Variants in MEP1B observed in about 807,000 individuals in gnomAD.
MEP1B encodes the protein N-benzoyl-L-tyrosyl-P-amino-benzoic acid hydrolase subunit beta.
A neutral mutation model predicts 84.6 loss-of-function variants in MEP1B; 80 were observed. The ratio of observed to expected loss-of-function variants is 0.95; its 90% CI spans 0.79 to 1.14. MEP1B has a LOEUF of 1.14. Ranked by LOEUF, MEP1B falls within the 50% of genes most tolerant of loss-of-function variation. MEP1B has a pLI of 0.00. For synonymous variants in MEP1B, 273 were observed against 288.1 expected (o/e 0.95, Z 0.53); for missense variants, 766 against 855.1 (o/e 0.90, Z 1.30).
At chr18:32,215,299 T>C (rs773500416) in intron 12 of MEP1B, 38 bp downstream of exon 12, 1 of 1,359,190 alleles carries the variant, frequency 7.4e-7, no homozygotes, top group Non-Finnish European at 9.9e-7. Context: ...AACTAGTTTT[T>C]TTTTGTTGTG....
Position 32,203,027 on chromosome 18 carries a change from G to C in MEP1B, c.368+17G>C. 1.4e-6 allele frequency: 2 copies of C among 1,428,250 alleles called. No homozygotes were observed. Among genetic ancestry groups the C allele is most frequent in the South Asian group, 1.2e-5 (1 of 84,226 alleles). The allele number at this position is 1,428,250 out of a possible 1,614,324, so 88.5% of individuals were successfully genotyped here. On this transcript the variant is annotated intron_variant, in intron 6 of 14. Transcript: ENST00000269202. ...GGGCAGTGGGTAAGTTGCAGACTTA[G>C]TCTTCTAAGGCATCTAAGGAGAACT...
In MEP1B at chr18:32,196,314, G is replaced by A. The variant is rs1051500505; in HGVS notation, c.250+829G>A. 14 of 704,736 alleles carry A rather than the reference G, an allele frequency of 2.0e-5. No homozygotes were observed. Among genetic ancestry groups the A allele is most frequent in the Non-Finnish European group, 2.9e-5 (11 of 377,172 alleles). The allele number at this position is 704,736 out of a possible 1,614,324, so 43.7% of individuals were successfully genotyped here. Reference sequence around the variant, plus strand: ...GGGGCGGGATGTTGTTGCTGGAGCCGTTGCGGTAGATCTCATGCATGGCGC... The same window carrying A: ...GGGGCGGGATGTTGTTGCTGGAGCCATTGCGGTAGATCTCATGCATGGCGC... On this transcript the variant is annotated intron_variant, in intron 5 of 14. Coordinates refer to ENST00000269202, the MANE Select transcript of MEP1B (RefSeq NM_005925.3). The surrounding 1 kb of genome is among the most constrained non-coding windows in gnomAD (Gnocchi z 4.4).
intron 14 of MEP1B, among the ~76,000 whole-genome samples, chr18:32,218,599 C>T (rs1326920087): frequency 1.3e-5 from 2 of 152,156 alleles, no homozygotes; most frequent in East Asian, 3.9e-4. Flanking sequence ...TTGGGGAGGG[C>T]TCCTGGAACA....
At chr18:32,214,074 C>T (rs375109920) in intron 11 of MEP1B, among the ~76,000 whole-genome samples, 7 of 152,228 alleles carry the variant, frequency 4.6e-5, no homozygotes, top group Middle Eastern at 3.4e-3. Context: ...ACCTTGTTCA[C>T]GTCACTGGGA....
At position 32,208,240 on chromosome 18, in the gene MEP1B, G is replaced by A. The variant is rs1023001945; in HGVS notation, c.888G>A (p.Glu296=). 1.2e-6 allele frequency: 2 copies of A among 1,613,884 alleles called. No individual in the cohort carries two copies. The highest frequency in any genetic ancestry group is 2.7e-5 in the African/African-American group (2 of 75,030). The change falls in exon 9 of 15, where the codon GAG becomes GAA. Residue 296 remains glutamate (E), a synonymous_variant. Coordinates refer to ENST00000269202, the MANE Select transcript of MEP1B (RefSeq NM_005925.3). ...TTTCACAGGTTCCCAGGGGGCCAGA[G>A]AGTGATCACTCCAACATGGGCCAGT... ...QRVSQVPRGP[E]SDHSNMGQCQ... is the part of the protein sequence containing the mutation.
chr18:32,193,007 TTCA>T (rs2040817679), intron 4 of MEP1B, among the ~76,000 whole-genome samples, 190 bp downstream of exon 4: 1 of 152,156 alleles, frequency 6.6e-6, no homozygotes, highest in Non-Finnish European at 1.5e-5. Context: ...GTCTTCATCT[TTCA>T]TTACTCATAT....
At chr18:32,200,285 T>C (rs1476062571) in intron 5 of MEP1B, among the ~76,000 whole-genome samples, 1 of 152,180 alleles carries the variant, frequency 6.6e-6, no homozygotes, top group Non-Finnish European at 1.5e-5. Context: ...TACATAGTTA[T>C]AACTATGATG....
intron 5 of MEP1B, among the ~76,000 whole-genome samples, chr18:32,201,957 G>C (rs1422047132): frequency 6.6e-6 from 1 of 152,172 alleles, no homozygotes; most frequent in African/African-American, 2.4e-5. Flanking sequence ...ATTTTACTTG[G>C]AACTTCACCT....
chr18:32,208,644 A>G (rs1012544647), intron 9 of MEP1B, among the ~76,000 whole-genome samples: 6 of 152,228 alleles, frequency 3.9e-5, no homozygotes, highest in African/African-American at 1.4e-4. Context: ...GCTGCGAATT[A>G]TTGTTTCAGA....
At chr18:32,213,922 C>A (rs1028630275) in intron 11 of MEP1B, among the ~76,000 whole-genome samples, 6 of 152,128 alleles carry the variant, frequency 3.9e-5, no homozygotes, top group African/African-American at 1.4e-4. Flanking sequence ...TCTTAGGGCC[C>A]CAGTGTCCTC....
Position 32,195,499 on chromosome 18 carries a change from T to A in MEP1B, c.250+14T>A. 6.6e-7 allele frequency: 1 copy of A among 1,514,458 alleles called. No individual in the cohort carries two copies. Among genetic ancestry groups the A allele is most frequent in the Non-Finnish European group, 9.2e-7 (1 of 1,092,512 alleles). 93.8% of individuals were successfully genotyped at this position (1,514,458 alleles called of 1,614,324 possible). A position where few individuals can be genotyped will look rare whatever the true frequency, so the allele number is the denominator to read the frequency against. ...AAGATAGCTTGGGTTAGTATGCACC[T>A]TGAAGTATCCATAACTAATGTCTAT... On this transcript the variant is annotated intron_variant, in intron 5 of 14. Transcript: ENST00000269202.
chr18:32,198,090 T>A (rs900702966), intron 5 of MEP1B, among the ~76,000 whole-genome samples: 1 of 152,158 alleles, frequency 6.6e-6, no homozygotes, highest in Non-Finnish European at 1.5e-5. Context: ...TGATTAGTGA[T>A]GTGTTCAAAG....
chr18:32,217,833 A>C lies in MEP1B; in HGVS notation c.1959A>C (p.Ile653=). Residue 653 remains isoleucine (I), a synonymous_variant, in exon 14 of 15, where the codon ATA becomes ATC. Coordinates refer to ENST00000269202, the MANE Select transcript of MEP1B (RefSeq NM_005925.3). Reference sequence around the variant, plus strand: ...AGAGAGGCTCCACCCGAGACACCATAGTCATTGCTGTTTCATCTACTGTTG... The same window carrying C: ...AGAGAGGCTCCACCCGAGACACCATCGTCATTGCTGTTTCATCTACTGTTG... ...CEKRGSTRDT[I]VIAVSSTVAV... is the part of the protein sequence containing the mutation. 1 of 1,613,912 alleles carries C rather than the reference A, an allele frequency of 6.2e-7. No individual in the cohort carries two copies. Among genetic ancestry groups the C allele is most frequent in the Non-Finnish European group, 8.5e-7 (1 of 1,179,830 alleles).
At chr18:32,202,836 G>A (rs558287532) in intron 5 of MEP1B, 57 bp from the exon 6 acceptor site, 1 of 1,120,352 alleles carries the variant, frequency 8.9e-7, no homozygotes, top group East Asian at 2.5e-5. Flanking sequence ...TTCCATGGAA[G>A]ATTTTTCAGT....
chr18:32,196,260 G>T lies in MEP1B; in HGVS notation c.250+775G>T. The T allele has an allele frequency of 1.4e-6, 1 of 703,072 alleles. No homozygotes were observed. 43.6% of individuals were successfully genotyped at this position (703,072 alleles called of 1,614,324 possible). ...TGATGCCTTTGAACTGCTCCAAGAC[G>T]CTGGCCATGCTGGGGGCTGTGAAGT... On this transcript the variant is annotated intron_variant, in intron 5 of 14. Coordinates refer to ENST00000269202, the MANE Select transcript of MEP1B (RefSeq NM_005925.3). This position sits in a 1 kb window ranked among gnomAD's most constrained non-coding sequence, Gnocchi z 4.4.
intron 12 of MEP1B, 94 bp from the exon 13 acceptor site, chr18:32,216,897 G>GA: frequency 5.8e-6 from 8 of 1,382,504 alleles, no homozygotes; most frequent in Non-Finnish European, 7.8e-6. Flanking sequence ...AAGAAAAAAG[G>GA]AAAAAAGAAA....
rs779776598 is a variant in MEP1B at position 32,213,329 on chromosome 18, G to C, written c.1349G>C (p.Ser450Thr). 6.2e-7 allele frequency: 1 copy of C among 1,613,824 alleles called. No individual in the cohort carries two copies. Among genetic ancestry groups the C allele is most frequent in the Admixed American group, 1.7e-5 (1 of 60,004 alleles). The change falls in exon 11 of 15, where the codon AGC becomes ACC. Residue 450 changes from serine (S) to threonine (T), a missense_variant. Ser to Thr is a moderately conservative substitution (Grantham distance 58). Transcript: ENST00000269202. ...FIGSPNGTLY[S>T]PPFYSSKGYA... ...GGCAGCCCAAATGGAACTCTGTATA[G>C]CCCTCCATTTTACTCTTCTAAAGGT...
At chr18:32,209,292 G>C (rs2040998178) in intron 9 of MEP1B, among the ~76,000 whole-genome samples, 1 of 152,166 alleles carries the variant, frequency 6.6e-6, no homozygotes, top group Admixed American at 6.5e-5. Context: ...TTTGAGACCA[G>C]CTGGGCCAAC....
chr18:32,194,859 C>T (rs554758708), intron 4 of MEP1B, among the ~76,000 whole-genome samples: 20 of 152,112 alleles, frequency 1.3e-4, no homozygotes, highest in African/African-American at 4.3e-4. Flanking sequence ...CTGTCCTCCA[C>T]TAGATATAAG....
Sources: gnomAD v4.1 joint callset for allele counts (sites outside exome capture counted in the v4.1 genomes callset) on GRCh38, gnomAD v4.1.1 for gene constraint, Gnocchi (gnomAD v3.1) non-coding constraint, MANE v1.5 for transcripts, NCBI Gene and HGNC (gene_info 2026-07-23, HGNC 2026-07-21) for gene names.